Variants in AGBL4 observed in about 807,000 individuals in gnomAD.
The protein encoded by AGBL4 is cytosolic carboxypeptidase 6.
AGBL4 carries 58 observed loss-of-function variants against 66.4 expected under a neutral mutation model. The observed-to-expected ratio is 0.87, with a 90% CI of 0.71 to 1.09. AGBL4 has a LOEUF of 1.09. Among genes scored for constraint, AGBL4 ranks in the 50% least tolerant of loss-of-function variants. AGBL4 has a pLI of 0.00. For synonymous variants in AGBL4, 234 were observed against 222.9 expected (o/e 1.05, Z -0.44); for missense variants, 579 against 631.0 (o/e 0.92, Z 0.88).
At chr1:49,116,396 G>A (rs913982731) in intron 4 of AGBL4, among the ~76,000 whole-genome samples, 2 of 152,110 alleles carry the variant, frequency 1.3e-5, no homozygotes, top group African/African-American at 4.8e-5. Flanking sequence ...ACAGGCCCTG[G>A]TGTGTGATAC....
At chr1:49,494,916 C>G (rs1647399668) in intron 3 of AGBL4, among the ~76,000 whole-genome samples, 1 of 152,044 alleles carries the variant, frequency 6.6e-6, no homozygotes, top group South Asian at 2.1e-4. Flanking sequence ...TCCTATTTCT[C>G]CACATCCTCT....
chr1:48,695,725 C>T (rs1224483988), intron 6 of AGBL4, among the ~76,000 whole-genome samples: 1 of 152,178 alleles, frequency 6.6e-6, no homozygotes, highest in Non-Finnish European at 1.5e-5. Flanking sequence ...AGGAGGACAG[C>T]TAAATTCTGT....
intron 3 of AGBL4, among the ~76,000 whole-genome samples, chr1:49,590,231 C>T (rs963289184): frequency 2.0e-5 from 3 of 151,914 alleles, no homozygotes; most frequent in African/African-American, 7.3e-5. Context: ...AAAAGCTCAA[C>T]ATCAGACTTG....
intron 4 of AGBL4, among the ~76,000 whole-genome samples, chr1:49,195,522 C>A (rs190064370): frequency 9.9e-5 from 15 of 152,200 alleles, no homozygotes; most frequent in African/African-American, 3.4e-4. Context: ...GAGAAGTCTG[C>A]TCTTAGTGTA....
chr1:49,809,017 G>A (rs561074507), intron 2 of AGBL4, among the ~76,000 whole-genome samples: 53 of 152,230 alleles, frequency 3.5e-4, no homozygotes, highest in Admixed American at 2.3e-3. Flanking sequence ...CCTAGTAGGC[G>A]GTTAGGCAAT....
chr1:49,204,327 G>C (rs1647960614), intron 4 of AGBL4, among the ~76,000 whole-genome samples: 2 of 152,036 alleles, frequency 1.3e-5, no homozygotes, highest in Admixed American at 6.6e-5. Flanking sequence ...CTGGAGTGCA[G>C]TGGTGTAATC....
intron 3 of AGBL4, among the ~76,000 whole-genome samples, chr1:49,531,562 G>C (rs1029318017): frequency 6.6e-6 from 1 of 152,058 alleles, no homozygotes; most frequent in South Asian, 2.1e-4. Flanking sequence ...ACAATTCACT[G>C]TTGACTATTT....
chr1:49,534,133 C>A lies in AGBL4; in HGVS notation c.282+163180G>T, dbSNP rs569857641. On this transcript the variant is annotated intron_variant, in intron 3 of 13. Transcript: ENST00000371839. ...TGCATGTGTTAGCTCATTAAATCCTCACAAAAGCCCCATGAAGCAGGGATC... is the reference window on the plus strand; with the variant it reads ...TGCATGTGTTAGCTCATTAAATCCTAACAAAAGCCCCATGAAGCAGGGATC... Among the ~76,000 whole-genome samples, 8 of 122,884 alleles carry A rather than the reference C, an allele frequency of 6.5e-5. No homozygotes were observed. The South Asian group carries it at 1.8e-3, about 28-fold the overall frequency. 80.6% of individuals were successfully genotyped at this position (122,884 alleles called of 152,430 possible). A position where few individuals can be genotyped will look rare whatever the true frequency, so the allele number is the denominator to read the frequency against.
chr1:49,097,611 T>G (rs1645129985), intron 4 of AGBL4, among the ~76,000 whole-genome samples: 1 of 152,258 alleles, frequency 6.6e-6, no homozygotes, highest in Non-Finnish European at 1.5e-5. Context: ...GACAAGAATC[T>G]TGCTCTGCTG....
intron 6 of AGBL4, among the ~76,000 whole-genome samples, chr1:48,819,900 A>G (rs1181627689): frequency 6.6e-6 from 1 of 152,084 alleles, no homozygotes; most frequent in Non-Finnish European, 1.5e-5. Flanking sequence ...TCTTGATTCA[A>G]ATGGTTCTTC....
At chr1:49,597,780 A>G (rs1644878965) in intron 3 of AGBL4, among the ~76,000 whole-genome samples, 1 of 152,158 alleles carries the variant, frequency 6.6e-6, no homozygotes, top group Admixed American at 6.5e-5. Flanking sequence ...TCTTTGTAGC[A>G]ATTCTGAATG....
intron 4 of AGBL4, among the ~76,000 whole-genome samples, chr1:49,050,594 C>G (rs927491478): frequency 6.6e-6 from 1 of 151,426 alleles, no homozygotes; most frequent in African/African-American, 2.4e-5. Context: ...TCTCAAAAAC[C>G]TCCTTGCCTT....
chr1:49,363,971 C>T (rs1377224005), intron 3 of AGBL4, among the ~76,000 whole-genome samples: 1 of 152,156 alleles, frequency 6.6e-6, no homozygotes, highest in East Asian at 1.9e-4. Context: ...AAGAGATAGA[C>T]TCCCTAATCC....
intron 5 of AGBL4, among the ~76,000 whole-genome samples, chr1:48,880,479 C>A (rs1336357199): frequency 1.3e-5 from 2 of 152,104 alleles, no homozygotes; most frequent in African/African-American, 4.8e-5. Flanking sequence ...TAGGTAGATA[C>A]CCAGTAGTGG....
chr1:48,587,252 C>T, intron 10 of AGBL4, 86 bp from the exon 11 acceptor site: 1 of 1,351,100 alleles, frequency 7.4e-7, no homozygotes, highest in Non-Finnish European at 1.0e-6. Context: ...CTCTGGGTCT[C>T]AGCTTCACTG....
chr1:48,953,522 T>A (rs1657174017), intron 5 of AGBL4, among the ~76,000 whole-genome samples: 1 of 152,174 alleles, frequency 6.6e-6, no homozygotes, highest in African/African-American at 2.4e-5. Context: ...GTTTTTAACT[T>A]CTATCTTGAT....
chr1:48,831,198 T>G (rs950510386), intron 6 of AGBL4, among the ~76,000 whole-genome samples: 2 of 152,084 alleles, frequency 1.3e-5, no homozygotes, highest in Non-Finnish European at 2.9e-5. Context: ...AGAAGTATAG[T>G]CTATAAGCTT....
chr1:48,789,292 ATATTT>A (rs1570677368), intron 6 of AGBL4, among the ~76,000 whole-genome samples: 1 of 110,880 alleles, frequency 9.0e-6, no homozygotes, highest in African/African-American at 3.1e-5. Flanking sequence ...ATATATATAT[ATATTT>A]TTTTTTTTTG....
In AGBL4 at chr1:49,515,636, C is replaced by G. The variant is rs555278497; in HGVS notation, c.282+181677G>C. Among the ~76,000 whole-genome samples, 986 of 151,654 alleles carry G rather than the reference C, an allele frequency of 6.5e-3. 9 individuals carry two copies. Among genetic ancestry groups the G allele is most frequent in the African/African-American group, 0.022 (911 of 41,338 alleles). The stretch of plus-strand genomic sequence containing the variant: ...CACAATAGCAAAGACTTGGAACCAA[C>G]CCAAATGTCCAACAATGATAGACTG... On this transcript the variant is annotated intron_variant, in intron 3 of 13. Coordinates refer to ENST00000371839, the MANE Select transcript of AGBL4 (RefSeq NM_032785.4).
Sources: gnomAD v4.1 joint callset for allele counts (sites outside exome capture counted in the v4.1 genomes callset) on GRCh38, gnomAD v4.1.1 for gene constraint, MANE v1.5 for transcripts, NCBI Gene and HGNC (gene_info 2026-07-23, HGNC 2026-07-21) for gene names.